MACROD2: variants seen among roughly 807,000 people sequenced by gnomAD.
The protein encoded by MACROD2 is ADP-ribose glycohydrolase MACROD2.
Under a neutral mutation model 70.4 loss-of-function variants are expected in MACROD2, and 36 were observed. The observed-to-expected ratio is 0.51, with a 90% confidence interval of 0.39 to 0.68. The LOEUF is 0.68. MACROD2 is among the 30% of genes least tolerant of loss of function. The probability of loss-of-function intolerance (pLI) is 0.00; values close to 1 mark genes in which losing one functional copy is unlikely to be tolerated. For synonymous variants in MACROD2, 172 were observed against 178.8 expected, an observed-to-expected ratio of 0.96 and a Z score of 0.30; for missense variants, 496 against 538.4, an observed-to-expected ratio of 0.92 and a Z score of 0.78.
chr20:14,963,909 TGCA>T (rs1308819735), intron 5 of MACROD2, among the ~76,000 whole-genome samples: 10 of 152,176 alleles, frequency 6.6e-5, no homozygotes, highest in Non-Finnish European at 2.9e-5. Context: ...GAGAGGGAAA[TGCA>T]TAGGATATCA....
intron 5 of MACROD2, among the ~76,000 whole-genome samples, chr20:15,003,371 G>T (rs1297137773): frequency 6.6e-6 from 1 of 152,150 alleles, no homozygotes; most frequent in African/African-American, 2.4e-5. Context: ...TGCCCTGTGT[G>T]AGTTACTAGG....
intron 5 of MACROD2, among the ~76,000 whole-genome samples, chr20:15,220,817 G>T (rs1159156381): frequency 6.6e-6 from 1 of 152,210 alleles, no homozygotes; most frequent in Non-Finnish European, 1.5e-5. Context: ...AGTCAGAAAA[G>T]CACAGACCTG....
At chr20:14,140,854 A>C (rs1266642425) in intron 3 of MACROD2, among the ~76,000 whole-genome samples, 1 of 152,164 alleles carries the variant, frequency 6.6e-6, no homozygotes, top group Non-Finnish European at 1.5e-5. Context: ...CCTGTACCCT[A>C]TCTAGCCCTC....
At chr20:14,222,813 G>GGAAAAAAAAA (rs1555938552) in intron 3 of MACROD2, among the ~76,000 whole-genome samples, 2 of 132,950 alleles carry the variant, frequency 1.5e-5, no homozygotes, top group African/African-American at 2.9e-5. Flanking sequence ...TTGGATTTCT[G>GGAAAAAAAAA]AAAAAAAAAA....
intron 7 of MACROD2, among the ~76,000 whole-genome samples, chr20:15,432,619 C>G (rs1216522437): frequency 6.6e-6 from 1 of 152,050 alleles, no homozygotes; most frequent in Non-Finnish European, 1.5e-5. Context: ...TACCCTAACT[C>G]TTTATTTCGC....
At chr20:15,011,006 A>G (rs1366174697) in intron 5 of MACROD2, among the ~76,000 whole-genome samples, 1 of 152,214 alleles carries the variant, frequency 6.6e-6, no homozygotes, top group African/African-American at 2.4e-5. Flanking sequence ...TACCAAATAT[A>G]AAGCTGGAAA....
intron 8 of MACROD2, among the ~76,000 whole-genome samples, chr20:15,772,452 C>T (rs193057021): frequency 6.6e-6 from 1 of 152,112 alleles, no homozygotes; most frequent in African/African-American, 2.4e-5. Flanking sequence ...TCTTTCTCAA[C>T]TGGCAAGGAA....
chr20:14,578,709 G>A lies in MACROD2; in HGVS notation c.301+85201G>A, dbSNP rs190986016. Among the ~76,000 whole-genome samples, 835 of 152,244 alleles carry A rather than the reference G, an allele frequency of 5.5e-3. 9 individuals carry two copies. The highest frequency in any genetic ancestry group is 0.019 in the African/African-American group (781 of 41,550). On this transcript the variant is annotated intron_variant, in intron 4 of 17. Transcript: ENST00000684519. ...AGATGGATTTAGTTACAAGCAGTTAGATTTATTTTTTAAGTGTGAATGTAT... is the reference window on the plus strand; with the variant it reads ...AGATGGATTTAGTTACAAGCAGTTAAATTTATTTTTTAAGTGTGAATGTAT...
chr20:15,509,742 A>G (rs1325633161), intron 8 of MACROD2, among the ~76,000 whole-genome samples: 1 of 152,178 alleles, frequency 6.6e-6, no homozygotes, highest in Non-Finnish European at 1.5e-5. Context: ...ACATAGCCTT[A>G]AACAATTAAC....
intron 7 of MACROD2, among the ~76,000 whole-genome samples, chr20:15,468,280 T>C (rs2046921278): frequency 6.6e-6 from 1 of 151,994 alleles, no homozygotes; most frequent in East Asian, 1.9e-4. Flanking sequence ...ACTTCCTCCA[T>C]ACTTCTATTC....
chr20:14,618,222 A>G (rs1983592524), intron 4 of MACROD2, among the ~76,000 whole-genome samples: 1 of 152,134 alleles, frequency 6.6e-6, no homozygotes. Flanking sequence ...GCTAAGGGAA[A>G]AAGGAATTCA....
intron 4 of MACROD2, among the ~76,000 whole-genome samples, chr20:14,565,971 A>G (rs1979773997): frequency 6.6e-6 from 1 of 151,954 alleles, no homozygotes; most frequent in Admixed American, 6.6e-5. Flanking sequence ...GCATCTTTGG[A>G]CATGGCTCCT....
At chr20:15,694,789 G>C (rs1342131046) in intron 8 of MACROD2, among the ~76,000 whole-genome samples, 2 of 152,082 alleles carry the variant, frequency 1.3e-5, no homozygotes, top group Non-Finnish European at 2.9e-5. Flanking sequence ...TGAAATCCTT[G>C]CCTAAGCTAA....
intron 6 of MACROD2, among the ~76,000 whole-genome samples, chr20:15,426,184 CA>C (rs1302082188): frequency 6.2e-5 from 9 of 144,992 alleles, no homozygotes; most frequent in Admixed American, 5.6e-4. Flanking sequence ...CTGCGAGAAA[CA>C]CCCAAGAATG....
intron 1 of MACROD2, among the ~76,000 whole-genome samples, chr20:14,000,670 A>G (rs1186249706): frequency 6.6e-6 from 1 of 152,254 alleles, no homozygotes; most frequent in Non-Finnish European, 1.5e-5. Flanking sequence ...GTGTCAGTTT[A>G]TACATTGAAT....
chr20:15,512,220 T>C (rs2047509157), intron 8 of MACROD2, among the ~76,000 whole-genome samples: 1 of 152,228 alleles, frequency 6.6e-6, no homozygotes, highest in Admixed American at 6.5e-5. Flanking sequence ...GACCAATAAG[T>C]GAGTTTGATG....
chr20:15,184,498 G>A (rs576725755), intron 5 of MACROD2, among the ~76,000 whole-genome samples: 1 of 152,356 alleles, frequency 6.6e-6, no homozygotes, highest in South Asian at 2.1e-4. Context: ...TCCTAGTTGA[G>A]TGAGTCTCCT....
chr20:14,431,226 G>A (rs2083991154), intron 3 of MACROD2, among the ~76,000 whole-genome samples: 1 of 151,994 alleles, frequency 6.6e-6, no homozygotes, highest in African/African-American at 2.4e-5. Context: ...TATATTTCCA[G>A]GTCCTTATTG....
chr20:15,089,488 C>T (rs956322316), intron 5 of MACROD2, among the ~76,000 whole-genome samples: 1 of 152,110 alleles, frequency 6.6e-6, no homozygotes, highest in Non-Finnish European at 1.5e-5. Flanking sequence ...TTATGTAATA[C>T]TAATACTGTA....
Sources: gnomAD v4.1 joint callset for allele counts (sites outside exome capture counted in the v4.1 genomes callset) on GRCh38, gnomAD v4.1.1 for gene constraint, MANE v1.5 for transcripts, NCBI Gene and HGNC (gene_info 2026-07-23, HGNC 2026-07-21) for gene names.